The following TP73 variants were observed in gnomAD, a reference collection of about 807,000 sequenced individuals.
The protein encoded by TP73 is tumor protein p73.
In TP73, 25 loss-of-function variants were observed where a neutral mutation model predicts 62.5. The ratio of observed to expected loss-of-function variants is 0.40; its 90% CI spans 0.29 to 0.56. TP73 has a LOEUF of 0.56. TP73 is among the 20% of genes least tolerant of loss of function. The pLI, the probability that TP73 is intolerant of heterozygous loss-of-function variation, is 0.46. For missense variants in TP73, 754 were observed against 913.3 expected (o/e 0.83, Z 2.25); for synonymous variants, 423 against 377.5 (o/e 1.12, Z -1.40).
chr1:3,692,960 C>T (rs1645892298), intron 3 of TP73, among the ~76,000 whole-genome samples: 1 of 152,200 alleles, frequency 6.6e-6, no homozygotes, highest in South Asian at 2.1e-4. Context: ...CCAGCTGTGC[C>T]ATCACTGTTT....
chr1:3,663,771 G>C lies in TP73; in HGVS notation c.-34+11130G>C, dbSNP rs1486726393. ...GGCTGGGGCCAGGTCTGAAGGCTCT[G>C]ATCTTCCTTTCTTCTGGGTCTAGGG... is the stretch of plus-strand genomic sequence containing the variant. On this transcript the variant is annotated intron_variant, in intron 1 of 13. Transcript: ENST00000378295. This position sits in a 1 kb window ranked among gnomAD's most constrained non-coding sequence, Gnocchi z 4.7. Among the ~76,000 whole-genome samples the C allele has an allele frequency of 1.3e-5, 2 of 152,108 alleles. No homozygotes were observed. The highest frequency in any genetic ancestry group is 2.9e-5 in the Non-Finnish European group (2 of 68,016).
At chr1:3,668,106 G>T (rs1003958619) in intron 1 of TP73, among the ~76,000 whole-genome samples, 1 of 152,238 alleles carries the variant, frequency 6.6e-6, no homozygotes, top group Non-Finnish European at 1.5e-5. Context: ...AGCCTCCCTG[G>T]GTTCAGGTCT....
chr1:3,674,237 G>A (rs1204166049), intron 1 of TP73, among the ~76,000 whole-genome samples: 1 of 152,204 alleles, frequency 6.6e-6, no homozygotes, highest in East Asian at 1.9e-4. Context: ...TGAGGCTCAG[G>A]GATTCCCCCA....
At chr1:3,669,744 T>C (rs745387926) in intron 1 of TP73, among the ~76,000 whole-genome samples, 3 of 152,234 alleles carry the variant, frequency 2.0e-5, no homozygotes, top group Non-Finnish European at 4.4e-5. Context: ...GGGCATGTCC[T>C]GTTCCTTCTG....
chr1:3,727,104 C>A lies in TP73; in HGVS notation c.733-11C>A. 1 of 1,609,146 alleles carries A rather than the reference C, an allele frequency of 6.2e-7. No homozygotes were observed. The highest frequency in any genetic ancestry group is 8.5e-7 in the Non-Finnish European group (1 of 1,177,438). ...TGATGCTAGCCCCTCTCCCTGCTCC[C>A]CCATGTGCAGGTGGGGACGGAATTC... On this transcript the variant is annotated splice_polypyrimidine_tract_variant and intron_variant, in intron 6 of 13. Coordinates refer to ENST00000378295, the MANE Select transcript of TP73 (RefSeq NM_005427.4).
chr1:3,683,265 C>A, intron 3 of TP73, 85 bp downstream of exon 3: 1 of 1,482,322 alleles, frequency 6.7e-7, no homozygotes, highest in South Asian at 1.4e-5. Flanking sequence ...CTGGCAGAAC[C>A]AGGAGATAGC....
intron 3 of TP73, among the ~76,000 whole-genome samples, chr1:3,702,669 T>A (rs1639272053): frequency 6.6e-6 from 1 of 152,210 alleles, no homozygotes; most frequent in South Asian, 2.1e-4. Flanking sequence ...GTCCGCGGCC[T>A]GGAGGCTGGC....
intron 13 of TP73, among the ~76,000 whole-genome samples, chr1:3,732,289 G>A (rs781386782): frequency 3.9e-5 from 6 of 152,332 alleles, no homozygotes; most frequent in East Asian, 1.9e-4. Context: ...GAGTGGCCGC[G>A]TCTGTGTCCA....
chr1:3,676,163 G>GA (rs1189330396), intron 1 of TP73, among the ~76,000 whole-genome samples: 6 of 149,788 alleles, frequency 4.0e-5, no homozygotes, highest in African/African-American at 9.9e-5. Flanking sequence ...GGAGGACGGG[G>GA]ACAGGGAGGG....
Position 3,723,433 on chromosome 1 carries a change from C to A in TP73, c.696C>A (p.Gly232=). The A allele has an allele frequency of 6.2e-7, 1 of 1,612,486 alleles. No homozygotes were observed. Among genetic ancestry groups the A allele is most frequent in the Non-Finnish European group, 8.5e-7 (1 of 1,179,824 alleles). The stretch of plus-strand genomic sequence containing the variant: ...AGTATGTGGATGACCCTGTCACCGG[C>A]AGGCAGAGCGTCGTGGTGCCCTATG... ...LSQYVDDPVT[G]RQSVVVPYEP... is the part of the protein sequence containing the mutation. The change falls in exon 6 of 14, where the codon GGC becomes GGA. Residue 232 remains glycine, a synonymous_variant. Transcript: ENST00000378295.
intron 3 of TP73, among the ~76,000 whole-genome samples, chr1:3,691,276 C>T (rs1051916147): frequency 2.0e-5 from 3 of 152,250 alleles, no homozygotes; most frequent in Admixed American, 1.3e-4. Context: ...TTGGGGCTGG[C>T]GGCTTGGTCC....
Position 3,728,286 on chromosome 1 carries a change from G to A in TP73, c.1074+69G>A. On this transcript the variant is annotated intron_variant, in intron 9 of 13. Transcript: ENST00000378295. Reference sequence around the variant, plus strand: ...CTCTGTCGTCTGCTGAGCCCAGGCTGGGCCATGGGGAGGGACTCTGGAGAC... The same window carrying A: ...CTCTGTCGTCTGCTGAGCCCAGGCTAGGCCATGGGGAGGGACTCTGGAGAC... The A allele has an allele frequency of 3.3e-6, 5 of 1,522,746 alleles. No homozygotes were observed. The South Asian group carries it at 5.8e-5, about 18-fold the overall frequency. 94.3% of individuals were successfully genotyped at this position (1,522,746 alleles called of 1,614,324 possible). A position where few individuals can be genotyped will look rare whatever the true frequency, so the allele number is the denominator to read the frequency against.
intron 1 of TP73, among the ~76,000 whole-genome samples, chr1:3,673,054 G>C (rs1347840518): frequency 6.6e-6 from 1 of 152,202 alleles, no homozygotes; most frequent in East Asian, 1.9e-4. Flanking sequence ...AGTGGGCCAG[G>C]GTTATCTGTT....
intron 3 of TP73, 129 bp downstream of exon 3, chr1:3,683,309 G>C: frequency 8.2e-7 from 1 of 1,226,176 alleles, no homozygotes; most frequent in Non-Finnish European, 1.1e-6. Flanking sequence ...GTGGGTTTCT[G>C]AGGACACTTC....
intron 3 of TP73, among the ~76,000 whole-genome samples, chr1:3,704,766 G>A (rs540955511): frequency 1.3e-5 from 2 of 152,268 alleles, no homozygotes; most frequent in Admixed American, 6.5e-5. Flanking sequence ...GGCGGGGCCT[G>A]GGCTGTGCGA....
rs138253097 is a variant in TP73 at position 3,721,944 on chromosome 1, G to T, written c.430-77G>T. On this transcript the variant is annotated intron_variant, in intron 4 of 13. Transcript: ENST00000378295. ...AAGGGGCACCCATGGGGAGGACGTG[G>T]CTCCCAATGGGGGGTGGCCTGGACA... The T allele has an allele frequency of 4.6e-4, 666 of 1,447,370 alleles. 1 individual carries two copies. The African/African-American group carries it at 8.7e-3, about 19-fold the overall frequency. 89.7% of individuals were successfully genotyped at this position (1,447,370 alleles called of 1,614,324 possible).
chr1:3,654,220 T>C (rs1644817886), intron 1 of TP73, among the ~76,000 whole-genome samples: 2 of 152,152 alleles, frequency 1.3e-5, no homozygotes, highest in Admixed American at 6.5e-5. Flanking sequence ...GAGGCTGCAG[T>C]GTGGCAGCTG....
chr1:3,712,990 A>G (rs937089916), intron 4 of TP73, among the ~76,000 whole-genome samples: 4 of 152,078 alleles, frequency 2.6e-5, no homozygotes, highest in Non-Finnish European at 4.4e-5. Flanking sequence ...TGTGACCCTC[A>G]GGGCCCCCAG....
rs1645105043 is a variant in TP73 at position 3,666,076 on chromosome 1, AT to A, written c.-34+13436del. On this transcript the variant is annotated intron_variant, in intron 1 of 13. Coordinates refer to ENST00000378295, the MANE Select transcript of TP73 (RefSeq NM_005427.4). The surrounding 1 kb of genome is among the most constrained non-coding windows in gnomAD (Gnocchi z 6.4). ...GAGGCGGAGTTTGTGGTGAGCTGAGATCGCACCATTGTACTCCAGCCTGGGC... is the reference window on the plus strand; with the variant it reads ...GAGGCGGAGTTTGTGGTGAGCTGAGACGCACCATTGTACTCCAGCCTGGGC... Among the ~76,000 whole-genome samples the A allele has an allele frequency of 6.9e-6, 1 of 144,504 alleles. No homozygotes were observed. Among genetic ancestry groups the A allele is most frequent in the African/African-American group, 2.6e-5 (1 of 38,920 alleles). The allele number at this position is 144,504 out of a possible 152,430, so 94.8% of individuals were successfully genotyped here.
Sources: gnomAD v4.1 joint callset for allele counts (sites outside exome capture counted in the v4.1 genomes callset) on GRCh38, gnomAD v4.1.1 for gene constraint, Gnocchi (gnomAD v3.1) non-coding constraint, MANE v1.5 for transcripts, NCBI Gene and HGNC (gene_info 2026-07-23, HGNC 2026-07-21) for gene names.